The following ARHGAP24 variants were observed in gnomAD, a reference collection of about 807,000 sequenced individuals.
The protein encoded by ARHGAP24 is rho GTPase-activating protein 24.
Under a neutral mutation model 76.4 loss-of-function variants are expected in ARHGAP24, and 50 were observed. The ratio of observed to expected loss-of-function variants is 0.65; its 90% CI spans 0.52 to 0.83. The LOEUF is 0.83. Among genes scored for constraint, ARHGAP24 ranks in the 40% least tolerant of loss-of-function variants. The pLI, the probability that ARHGAP24 is intolerant of heterozygous loss-of-function variation, is 0.00. For synonymous variants in ARHGAP24, 345 were observed against 323.3 expected, an observed-to-expected ratio of 1.07 and a Z score of -0.72; for missense variants, 930 against 914.2, an observed-to-expected ratio of 1.02 and a Z score of -0.22.
intron 2 of ARHGAP24, among the ~76,000 whole-genome samples, chr4:85,603,388 C>T (rs1011643693): frequency 2.6e-5 from 4 of 152,184 alleles, no homozygotes; most frequent in Non-Finnish European, 5.9e-5. Context: ...TGATACCTCC[C>T]TTCATATAAG....
intron 1 of ARHGAP24, among the ~76,000 whole-genome samples, chr4:85,544,390 T>C (rs565889501): frequency 6.6e-6 from 1 of 152,322 alleles, no homozygotes; most frequent in South Asian, 2.1e-4. Flanking sequence ...ATTCATTTCT[T>C]TACATTTTGG....
intron 1 of ARHGAP24, among the ~76,000 whole-genome samples, chr4:85,477,416 A>G (rs1349569165): frequency 6.6e-6 from 1 of 152,254 alleles, no homozygotes; most frequent in African/African-American, 2.4e-5. Flanking sequence ...TATCTAGAAA[A>G]AAATCCACTG....
At chr4:85,967,393 G>T (rs1194890275) in intron 5 of ARHGAP24, among the ~76,000 whole-genome samples, 1 of 152,104 alleles carries the variant, frequency 6.6e-6, no homozygotes, top group Non-Finnish European at 1.5e-5. Flanking sequence ...GGAACTACTT[G>T]TTGAGTGAAT....
At chr4:85,500,052 C>A (rs1034525959) in intron 1 of ARHGAP24, among the ~76,000 whole-genome samples, 6 of 151,866 alleles carry the variant, frequency 4.0e-5, no homozygotes, top group African/African-American at 1.5e-4. Flanking sequence ...AAAATACACA[C>A]TAGATTTTTA....
chr4:85,649,004 T>A (rs890308959), intron 2 of ARHGAP24, among the ~76,000 whole-genome samples: 2 of 102,542 alleles, frequency 2.0e-5, no homozygotes, highest in African/African-American at 3.3e-5. Flanking sequence ...AAATTGCATT[T>A]GTAAATATGT....
chr4:85,543,459 G>A (rs1424956316), intron 1 of ARHGAP24, among the ~76,000 whole-genome samples: 1 of 152,162 alleles, frequency 6.6e-6, no homozygotes, highest in East Asian at 1.9e-4. Flanking sequence ...GGTTGTGGGA[G>A]CGGGAAGAAT....
chr4:85,928,835 C>T (rs1205907363), intron 4 of ARHGAP24, among the ~76,000 whole-genome samples: 1 of 152,130 alleles, frequency 6.6e-6, no homozygotes, highest in East Asian at 1.9e-4. Flanking sequence ...CTGTATATTT[C>T]TGCCTCCTAA....
chr4:85,789,220 T>TAA (rs35635619), intron 3 of ARHGAP24, among the ~76,000 whole-genome samples: 24,896 of 128,150 alleles, frequency 0.19, 3,189 homozygotes, highest in Non-Finnish European at 0.29. Flanking sequence ...GAACCTCCAT[T>TAA]AAAAAAAAAA....
intron 3 of ARHGAP24, among the ~76,000 whole-genome samples, chr4:85,862,527 C>T (rs957238779): frequency 6.6e-5 from 10 of 152,060 alleles, no homozygotes; most frequent in African/African-American, 2.4e-4. Context: ...AATTCATCCA[C>T]AGGGACTCAT....
intron 5 of ARHGAP24, among the ~76,000 whole-genome samples, chr4:85,949,419 T>C (rs1304176260): frequency 6.6e-6 from 1 of 152,172 alleles, no homozygotes; most frequent in African/African-American, 2.4e-5. Context: ...CTGTTCCACT[T>C]GGTGTTGGAT....
chr4:85,662,849 A>C (rs969028129), intron 2 of ARHGAP24, among the ~76,000 whole-genome samples: 15 of 152,054 alleles, frequency 9.9e-5, no homozygotes, highest in Non-Finnish European at 1.5e-4. Flanking sequence ...GTTATTTCTG[A>C]GGGCTCTGTT....
Position 85,972,102 on chromosome 4 carries a change from T to C in ARHGAP24, c.666T>C (p.Val222=). 1.2e-6 allele frequency: 2 copies of C among 1,614,030 alleles called. No homozygotes were observed. The highest frequency in any genetic ancestry group is 1.7e-6 in the Non-Finnish European group (2 of 1,179,992). ...KLYLRELPEP[V]IPYAKYEDFL... ...ACCTCCGAGAACTTCCAGAACCAGTTATTCCTTATGCGAAGTATGAAGATT... is the reference window on the plus strand; with the variant it reads ...ACCTCCGAGAACTTCCAGAACCAGTCATTCCTTATGCGAAGTATGAAGATT... Residue 222 remains valine, a synonymous_variant, in exon 6 of 10, where the codon GTT becomes GTC. Transcript: ENST00000395184.
At chr4:85,488,105 C>CT (rs1723214051) in intron 1 of ARHGAP24, among the ~76,000 whole-genome samples, 3 of 151,002 alleles carry the variant, frequency 2.0e-5, no homozygotes, top group Non-Finnish European at 2.9e-5. Flanking sequence ...TAAACTACTG[C>CT]TTCTGTTCAG....
In ARHGAP24 at chr4:85,614,037, A is replaced by G. The variant is rs1259847536; in HGVS notation, c.180+43316A>G. Among the ~76,000 whole-genome samples the G allele has an allele frequency of 2.0e-5, 3 of 152,264 alleles. No individual in the cohort carries two copies. In the East Asian group the frequency reaches 5.8e-4, roughly 29 times the overall value. The stretch of plus-strand genomic sequence containing the variant: ...CTTAGAATAAGAAATCTGAATTTTC[A>G]TTTTCTTTTTATTATGTTTTTAAGC... On this transcript the variant is annotated intron_variant, in intron 2 of 9. Coordinates refer to ENST00000395184, the MANE Select transcript of ARHGAP24 (RefSeq NM_001025616.3).
chr4:85,762,771 T>TA (rs1726779595), intron 3 of ARHGAP24, among the ~76,000 whole-genome samples: 2 of 152,154 alleles, frequency 1.3e-5, no homozygotes. Flanking sequence ...CTATTACACT[T>TA]ATGTAAAGAA....
rs1412261910 is a variant in ARHGAP24 at position 85,977,738 on chromosome 4, A to G, written c.928+47A>G. On this transcript the variant is annotated intron_variant, in intron 8 of 9. Transcript: ENST00000395184. ...ACCCTTATCAAAAGAAGAAGTAATT[A>G]TCTCTTGACTGGCCAGAATCTACTC... The G allele has an allele frequency of 3.7e-6, 6 of 1,602,824 alleles. No homozygotes were observed. The East Asian group carries it at 9.0e-5, about 24-fold the overall frequency.
chr4:85,977,429 G>A (rs1044382337), intron 7 of ARHGAP24, 141 bp from the exon 8 acceptor site: 1 of 937,000 alleles, frequency 1.1e-6, no homozygotes. Flanking sequence ...TTGAGTGAGA[G>A]ATGGGTGAAC....
chr4:85,656,216 A>G (rs6814544), intron 2 of ARHGAP24, among the ~76,000 whole-genome samples: 3,674 of 152,274 alleles, frequency 0.024, 145 homozygotes, highest in African/African-American at 0.083. Context: ...ATTTAAAAAC[A>G]CTGGCTTCTA....
chr4:85,768,213 GTTTGA>G (rs1726998889), intron 3 of ARHGAP24, among the ~76,000 whole-genome samples: 2 of 152,130 alleles, frequency 1.3e-5, no homozygotes, highest in African/African-American at 4.8e-5. Context: ...GCAAGTAACA[GTTTGA>G]TTTATTTTTT....
Sources: allele counts gnomAD v4.1 joint callset (sites outside exome capture counted in the v4.1 genomes callset), GRCh38; gene constraint gnomAD v4.1.1; transcripts MANE v1.5; gene names NCBI Gene and HGNC (gene_info 2026-07-23, HGNC 2026-07-21).